Variants in LUZP2 observed in about 807,000 individuals in gnomAD.
LUZP2 encodes the protein leucine zipper protein 2.
In LUZP2, 52 loss-of-function variants were observed where a neutral mutation model predicts 51.6. The ratio of observed to expected loss-of-function variants is 1.01; its 90% confidence interval spans 0.81 to 1.27. The LOEUF is 1.27. LUZP2 is among the 50% of genes most tolerant of loss of function. The pLI is 0.00. For missense variants in LUZP2, 436 were observed against 395.4 expected (o/e 1.10, Z -0.87); for synonymous variants, 154 against 137.3 (o/e 1.12, Z -0.85).
At chr11:24,785,718 C>A in intron 5 of LUZP2, 1 of 244,532 alleles carries the variant, frequency 4.1e-6, no homozygotes, top group Non-Finnish European at 6.5e-6. Flanking sequence ...TCAAACAATA[C>A]AATTATGGCT....
intron 1 of LUZP2, among the ~76,000 whole-genome samples, chr11:24,651,362 C>G (rs1464678730): frequency 6.6e-6 from 1 of 152,026 alleles, no homozygotes; most frequent in African/African-American, 2.4e-5. Context: ...GAACATTTAG[C>G]AAAGAGCTTA....
chr11:24,851,832 T>C (rs748919856), intron 5 of LUZP2, among the ~76,000 whole-genome samples: 9 of 152,186 alleles, frequency 5.9e-5, no homozygotes, highest in Non-Finnish European at 1.3e-4. Context: ...GACTTCTTCC[T>C]CATTTCGTCT....
chr11:24,807,237 C>G (rs907344600), intron 5 of LUZP2, among the ~76,000 whole-genome samples: 2 of 151,866 alleles, frequency 1.3e-5, no homozygotes, highest in African/African-American at 4.8e-5. Flanking sequence ...GGGAGGTGGG[C>G]AGATCACCTG....
chr11:24,634,566 T>G (rs961428211), intron 1 of LUZP2, among the ~76,000 whole-genome samples: 1 of 152,094 alleles, frequency 6.6e-6, no homozygotes, highest in African/African-American at 2.4e-5. Flanking sequence ...AAGTATCATC[T>G]TCAAGTTCTC....
intron 1 of LUZP2, among the ~76,000 whole-genome samples, chr11:24,607,101 T>C (rs927539184): frequency 1.3e-5 from 2 of 151,964 alleles, no homozygotes; most frequent in Non-Finnish European, 2.9e-5. Context: ...TTTTATTTTG[T>C]TGAATGTTTC....
At chr11:24,741,822 G>T (rs1187824865) in intron 4 of LUZP2, among the ~76,000 whole-genome samples, 1 of 137,846 alleles carries the variant, frequency 7.3e-6, no homozygotes, top group African/African-American at 2.7e-5. Flanking sequence ...TATAATTATA[G>T]ATATATATTT....
intron 9 of LUZP2, among the ~76,000 whole-genome samples, chr11:24,998,136 GT>G (rs1238431235): frequency 6.6e-6 from 1 of 152,108 alleles, no homozygotes; most frequent in Non-Finnish European, 1.5e-5. Context: ...CTTTAAGGTA[GT>G]TTTTTCCAAT....
At chr11:24,940,346 T>C (rs1313334421) in intron 7 of LUZP2, among the ~76,000 whole-genome samples, 1 of 152,162 alleles carries the variant, frequency 6.6e-6, no homozygotes, top group African/African-American at 2.4e-5. Context: ...TTGATGGGTC[T>C]TCAATATTTT....
chr11:24,657,948 T>C (rs1855868181), intron 1 of LUZP2, among the ~76,000 whole-genome samples: 1 of 152,158 alleles, frequency 6.6e-6, no homozygotes, highest in Admixed American at 6.6e-5. Context: ...TGGAAGACCA[T>C]TCCATGCTCA....
chr11:24,818,781 C>A (rs1485222069), intron 5 of LUZP2, among the ~76,000 whole-genome samples: 1 of 152,000 alleles, frequency 6.6e-6, no homozygotes, highest in Non-Finnish European at 1.5e-5. Context: ...CCTTACTTGG[C>A]TTGATCCTCT....
At chr11:24,772,158 A>ATCC (rs1309379409) in intron 5 of LUZP2, among the ~76,000 whole-genome samples, 7 of 152,224 alleles carry the variant, frequency 4.6e-5, no homozygotes, top group Non-Finnish European at 1.0e-4. Context: ...GAGGGCCTAG[A>ATCC]TTCTCAGAAG....
chr11:24,618,155 C>T (rs747035406), intron 1 of LUZP2, among the ~76,000 whole-genome samples: 3 of 152,132 alleles, frequency 2.0e-5, no homozygotes, highest in Non-Finnish European at 4.4e-5. Flanking sequence ...GGGAATGTAG[C>T]CTTTTAACCT....
At chr11:24,773,081 GT>G (rs3078931) in intron 5 of LUZP2, among the ~76,000 whole-genome samples, 18,523 of 145,338 alleles carry the variant, frequency 0.13, 1,268 homozygotes, top group East Asian at 0.38. Context: ...AAACAGTGTA[GT>G]TTTTTTTTTT....
At chr11:24,877,840 A>G (rs1590676417) in intron 5 of LUZP2, among the ~76,000 whole-genome samples, 1 of 152,132 alleles carries the variant, frequency 6.6e-6, no homozygotes, top group African/African-American at 2.4e-5. Context: ...GTCCTCACAA[A>G]TAGATGAGAA....
chr11:24,520,680 A>G (rs1052067009), intron 1 of LUZP2, among the ~76,000 whole-genome samples: 1 of 152,244 alleles, frequency 6.6e-6, no homozygotes, highest in Admixed American at 6.5e-5. Flanking sequence ...CTACTTATAC[A>G]GGAACCAATA....
intron 3 of LUZP2, among the ~76,000 whole-genome samples, chr11:24,733,294 A>G (rs1190770882): frequency 6.6e-6 from 1 of 151,880 alleles, no homozygotes; most frequent in Non-Finnish European, 1.5e-5. Flanking sequence ...AGCAATCCGA[A>G]CATGTTTCTG....
Position 25,000,321 on chromosome 11 carries a change from T to C in LUZP2, c.765+17028T>C, listed in dbSNP as rs182725095. 3.9e-5 allele frequency among the ~76,000 whole-genome samples: 6 copies of C among 152,200 alleles called. No homozygotes were observed. In the East Asian group the frequency reaches 7.8e-4, roughly 20 times the overall value. On this transcript the variant is annotated intron_variant, in intron 9 of 11. Coordinates refer to ENST00000336930, the MANE Select transcript of LUZP2 (RefSeq NM_001009909.4). ...CTAAACAGGACACCCCAACTGCTGT[T>C]GGGAATTTGGCTGATGACTGCTCTA...
intron 7 of LUZP2, among the ~76,000 whole-genome samples, chr11:24,952,576 A>T (rs2133865490): frequency 6.6e-6 from 1 of 151,910 alleles, no homozygotes; most frequent in African/African-American, 2.4e-5. Context: ...GGAGCCAATA[A>T]TTGACAGAGG....
intron 9 of LUZP2, among the ~76,000 whole-genome samples, chr11:25,023,130 C>T (rs1432943180): frequency 2.0e-5 from 3 of 151,994 alleles, no homozygotes; most frequent in African/African-American, 7.3e-5. Context: ...TGTGTCTCTG[C>T]CAGGCTTTGG....
Sources: gnomAD v4.1 joint callset for allele counts (sites outside exome capture counted in the v4.1 genomes callset) on GRCh38, gnomAD v4.1.1 for gene constraint, MANE v1.5 for transcripts, NCBI Gene and HGNC (gene_info 2026-07-23, HGNC 2026-07-21) for gene names.